DPP10: variants seen among roughly 807,000 people sequenced by gnomAD.
The protein encoded by DPP10 is dipeptidyl peptidase like 10.
In DPP10, 33 loss-of-function variants were observed where a neutral mutation model predicts 120.9. The ratio of observed to expected loss-of-function variants is 0.27; its 90% CI spans 0.21 to 0.37. The LOEUF is 0.37. DPP10 is among the 10% of genes least tolerant of loss of function. DPP10 has a pLI of 1.00. For missense variants in DPP10, 816 were observed against 942.8 expected (o/e 0.87, Z 1.76); for synonymous variants, 337 against 326.1 (o/e 1.03, Z -0.36).
intron 1 of DPP10, among the ~76,000 whole-genome samples, chr2:114,754,146 T>C (rs1055137826): frequency 3.9e-5 from 6 of 152,126 alleles, no homozygotes; most frequent in African/African-American, 1.4e-4. Flanking sequence ...TCTGTGGCTT[T>C]GGTTGGCTTC....
At chr2:115,124,803 C>T (rs563275683) in intron 1 of DPP10, among the ~76,000 whole-genome samples, 17 of 152,154 alleles carry the variant, frequency 1.1e-4, no homozygotes, top group African/African-American at 3.1e-4. Context: ...ATCTAGTTAA[C>T]GTTTAACAAA....
rs145267970 is a variant in DPP10 at position 115,627,825 on chromosome 2, C to T, written c.442-61862C>T. ...TTAGTTTGCTGAGGATAATGGCTCCCGGCTCCATCCATGTCTCTGCAAAGA... is the reference window on the plus strand; with the variant it reads ...TTAGTTTGCTGAGGATAATGGCTCCTGGCTCCATCCATGTCTCTGCAAAGA... On this transcript the variant is annotated intron_variant, in intron 5 of 25. Coordinates refer to ENST00000410059, the MANE Select transcript of DPP10 (RefSeq NM_020868.6). 7.9e-3 allele frequency among the ~76,000 whole-genome samples: 1,205 copies of T among 152,186 alleles called. 8 individuals are homozygous for T. Among genetic ancestry groups the T allele is most frequent in the South Asian group, 0.012 (59 of 4,814 alleles).
intron 3 of DPP10, among the ~76,000 whole-genome samples, chr2:115,410,782 A>G (rs1238215387): frequency 6.6e-6 from 1 of 152,206 alleles, no homozygotes; most frequent in South Asian, 2.1e-4. Flanking sequence ...TTATCCATGT[A>G]ACCAAAACCA....
At chr2:114,797,729 A>G (rs1040498547) in intron 1 of DPP10, among the ~76,000 whole-genome samples, 1 of 152,248 alleles carries the variant, frequency 6.6e-6, no homozygotes, top group Non-Finnish European at 1.5e-5. Flanking sequence ...CATGCTTACA[A>G]GGAAGATTCC....
chr2:114,760,687 A>T (rs1184780154), intron 1 of DPP10, among the ~76,000 whole-genome samples: 3 of 152,076 alleles, frequency 2.0e-5, no homozygotes, highest in African/African-American at 4.8e-5. Context: ...TTAACTTAGG[A>T]TAATGCCATA....
chr2:115,318,703 C>A (rs559912950), intron 2 of DPP10, among the ~76,000 whole-genome samples: 71 of 152,114 alleles, frequency 4.7e-4, no homozygotes, highest in African/African-American at 1.7e-3. Context: ...CCTTAATATT[C>A]TTTTCTGATT....
At chr2:115,366,313 T>G (rs1263032409) in intron 3 of DPP10, among the ~76,000 whole-genome samples, 1 of 151,956 alleles carries the variant, frequency 6.6e-6, no homozygotes, top group Middle Eastern at 3.2e-3. Flanking sequence ...ATCATTTTCT[T>G]GTGTATAGGA....
In DPP10 at chr2:115,042,775, A is replaced by G. The variant is rs144513457; in HGVS notation, c.61-266464A>G. Among the ~76,000 whole-genome samples, 41 of 152,266 alleles carry G rather than the reference A, an allele frequency of 2.7e-4. No individual in the cohort carries two copies. In the East Asian group the frequency reaches 7.7e-3, roughly 29 times the overall value. ...TCAGTTTCAATTCATGCTATAATCTATTGTATAGTATCTGCTCTATGTTGA... is the reference window on the plus strand; with the variant it reads ...TCAGTTTCAATTCATGCTATAATCTGTTGTATAGTATCTGCTCTATGTTGA... On this transcript the variant is annotated intron_variant, in intron 1 of 25. Transcript: ENST00000410059.
At chr2:115,044,064 A>C (rs1704874641) in intron 1 of DPP10, among the ~76,000 whole-genome samples, 1 of 152,052 alleles carries the variant, frequency 6.6e-6, no homozygotes, top group African/African-American at 2.4e-5. Flanking sequence ...ATACTCTTTT[A>C]GTTATTTTTA....
chr2:114,770,410 C>T (rs563834978), intron 1 of DPP10, among the ~76,000 whole-genome samples: 18 of 152,162 alleles, frequency 1.2e-4, no homozygotes, highest in African/African-American at 3.9e-4. Flanking sequence ...CTGTAGGAAT[C>T]CATATACATG....
chr2:115,840,879 A>G, intron 25 of DPP10, 56 bp downstream of exon 25: 1 of 1,422,746 alleles, frequency 7.0e-7, no homozygotes, highest in Non-Finnish European at 9.9e-7. Context: ...CACTTGTGAG[A>G]TACGCAACAC....
At chr2:115,058,485 C>A (rs1443854840) in intron 1 of DPP10, among the ~76,000 whole-genome samples, 2 of 152,102 alleles carry the variant, frequency 1.3e-5, no homozygotes, top group Non-Finnish European at 2.9e-5. Flanking sequence ...CTGCAACCTC[C>A]GCCTCCTGGA....
chr2:114,691,914 G>T (rs1282525590), intron 1 of DPP10, among the ~76,000 whole-genome samples: 2 of 151,886 alleles, frequency 1.3e-5, no homozygotes, highest in Non-Finnish European at 2.9e-5. Flanking sequence ...TATTTCTGTG[G>T]GGTCAGTGGT....
chr2:114,745,351 T>C (rs1460921769), intron 1 of DPP10, among the ~76,000 whole-genome samples: 1 of 152,134 alleles, frequency 6.6e-6, no homozygotes, highest in African/African-American at 2.4e-5. Flanking sequence ...ATGCAAACAA[T>C]AGATTTTGTT....
intron 1 of DPP10, among the ~76,000 whole-genome samples, chr2:115,173,831 A>C (rs2105082355): frequency 6.6e-6 from 1 of 152,312 alleles, no homozygotes; most frequent in Non-Finnish European, 1.5e-5. Flanking sequence ...TGATTAAGTT[A>C]TCTGGTTTAC....
At position 115,813,127 on chromosome 2, in the gene DPP10, G is replaced by A. The variant is rs534979605; in HGVS notation, c.1701-1666G>A. On this transcript the variant is annotated intron_variant, in intron 19 of 25. Coordinates refer to ENST00000410059, the MANE Select transcript of DPP10 (RefSeq NM_020868.6). ...CTCCCGAGTAGCTGGGACTACAGGC[G>A]CCCGCCACCGCGCCCGGCTAATTTT... Among the ~76,000 whole-genome samples, 95 of 150,882 alleles carry A rather than the reference G, an allele frequency of 6.3e-4. 3 individuals are homozygous for A. Among genetic ancestry groups the A allele is most frequent in the Admixed American group, 3.7e-3 (56 of 15,194 alleles).
At chr2:115,307,218 A>G (rs2106010356) in intron 1 of DPP10, among the ~76,000 whole-genome samples, 1 of 152,214 alleles carries the variant, frequency 6.6e-6, no homozygotes, top group Admixed American at 6.6e-5. Flanking sequence ...AATATATATA[A>G]GCTATTATTA....
At chr2:115,361,871 TG>T (rs2106355110) in intron 3 of DPP10, among the ~76,000 whole-genome samples, 1 of 152,232 alleles carries the variant, frequency 6.6e-6, no homozygotes, top group East Asian at 1.9e-4. Flanking sequence ...TGGTTTCTCT[TG>T]GTTGGAGAGT....
intron 3 of DPP10, among the ~76,000 whole-genome samples, chr2:115,493,515 T>A (rs1575009842): frequency 1.7e-5 from 2 of 118,246 alleles, no homozygotes; most frequent in East Asian, 3.4e-4. Context: ...GAAGAGCTGT[T>A]GGAAAAAAAA....
Sources: gnomAD v4.1 joint callset for allele counts (sites outside exome capture counted in the v4.1 genomes callset) on GRCh38, gnomAD v4.1.1 for gene constraint, MANE v1.5 for transcripts, NCBI Gene and HGNC (gene_info 2026-07-23, HGNC 2026-07-21) for gene names.